Variants in STRN3 observed in about 807,000 individuals in gnomAD.
STRN3 encodes striatin 3.
In STRN3, 29 loss-of-function variants were observed where a neutral mutation model predicts 95.6. The observed-to-expected ratio is 0.30, with a 90% confidence interval of 0.23 to 0.41. The LOEUF is 0.41. STRN3 is among the 10% of genes least tolerant of loss of function. STRN3 has a pLI of 1.00. For missense variants in STRN3, 890 were observed against 972.1 expected, an observed-to-expected ratio of 0.92 and a Z score of 1.12; for synonymous variants, 331 against 357.6, an observed-to-expected ratio of 0.93 and a Z score of 0.84.
intron 16 of STRN3, among the ~76,000 whole-genome samples, chr14:30,900,443 C>CA (rs561080797): frequency 7.6e-5 from 4 of 52,368 alleles, no homozygotes; most frequent in Non-Finnish European, 1.0e-4. Context: ...GGGTGTGGGG[C>CA]GGGGGGGGGC....
chr14:30,967,731 GCTTA>G (rs963331639), intron 1 of STRN3, among the ~76,000 whole-genome samples: 1 of 152,188 alleles, frequency 6.6e-6, no homozygotes, highest in Non-Finnish European at 1.5e-5. Flanking sequence ...CAAAAAGGTA[GCTTA>G]CTAACTCAAA....
intron 1 of STRN3, among the ~76,000 whole-genome samples, chr14:30,985,898 T>C (rs1295269982): frequency 1.3e-5 from 2 of 152,154 alleles, no homozygotes; most frequent in Admixed American, 6.6e-5. Flanking sequence ...AAGACCTAGC[T>C]CAACATCTAT....
chr14:30,962,308 C>T (rs949394682), intron 1 of STRN3, among the ~76,000 whole-genome samples: 2 of 152,046 alleles, frequency 1.3e-5, no homozygotes, highest in African/African-American at 4.8e-5. Context: ...AGTTAAAACG[C>T]TGAAAAAATT....
In STRN3 at chr14:31,004,249, C is replaced by T. The variant is rs571030779; in HGVS notation, c.282+21655G>A. Among the ~76,000 whole-genome samples, 6 of 151,610 alleles carry T rather than the reference C, an allele frequency of 4.0e-5. No homozygotes were observed. In the East Asian group the frequency reaches 1.2e-3, roughly 30 times the overall value. On this transcript the variant is annotated intron_variant, in intron 1 of 17. Transcript: ENST00000357479. Reference sequence around the variant, plus strand: ...ATGCAGTGAACCATGATCACACTGCCACACTCCAGTCCAGCCTAGGCAACA... The same window carrying T: ...ATGCAGTGAACCATGATCACACTGCTACACTCCAGTCCAGCCTAGGCAACA...
At chr14:30,939,697 C>T (rs1282074832) in intron 5 of STRN3, among the ~76,000 whole-genome samples, 3 of 152,028 alleles carry the variant, frequency 2.0e-5, no homozygotes, top group Admixed American at 6.6e-5. Context: ...GTCCCCTGCC[C>T]CATCCTTCTC....
chr14:30,920,348 T>TC lies in STRN3; in HGVS notation c.1100-1243dup, dbSNP rs533570385. ...AGAAACTCAGTGTTACCTGAGGATT[T>TC]CCCCCCCACAGAGAAATGACTGTAA... On this transcript the variant is annotated intron_variant, in intron 8 of 17. Transcript: ENST00000357479. Among the ~76,000 whole-genome samples the TC allele has an allele frequency of 1.2e-4, 18 of 151,856 alleles. 1 individual carries two copies. In the East Asian group the frequency reaches 1.5e-3, roughly 13 times the overall value.
rs75265019 is a variant in STRN3, at chr14:30,974,093, A to G, written c.283-17851T>C. Among the ~76,000 whole-genome samples the G allele has an allele frequency of 3.8e-3, 575 of 152,330 alleles. 2 individuals carry two copies. Among genetic ancestry groups the G allele is most frequent in the African/African-American group, 0.013 (540 of 41,586 alleles). The stretch of plus-strand genomic sequence containing the variant: ...TCACACTTCTATTCAATATAGTACT[A>G]GAATTCCTATCAATTAGGAAACAGA... On this transcript the variant is annotated intron_variant, in intron 1 of 17. Transcript: ENST00000357479.
chr14:30,977,549 C>T (rs1368042204), intron 1 of STRN3, among the ~76,000 whole-genome samples: 4 of 150,814 alleles, frequency 2.7e-5, no homozygotes, highest in Admixed American at 1.3e-4. Flanking sequence ...TTTGGGAAGC[C>T]GAGGTGGGCA....
intron 1 of STRN3, among the ~76,000 whole-genome samples, chr14:30,982,611 A>G (rs1008578726): frequency 2.0e-5 from 3 of 152,140 alleles, no homozygotes; most frequent in Admixed American, 1.3e-4. Flanking sequence ...TGTCTGGCCA[A>G]TAGATAATTT....
chr14:30,979,917 T>C (rs1181794566), intron 1 of STRN3, among the ~76,000 whole-genome samples: 3 of 151,936 alleles, frequency 2.0e-5, no homozygotes, highest in African/African-American at 4.8e-5. Context: ...TTATATATCA[T>C]CTGAATTTAT....
intron 1 of STRN3, among the ~76,000 whole-genome samples, chr14:30,982,027 C>T (rs1881428871): frequency 7.9e-6 from 1 of 126,776 alleles, no homozygotes; most frequent in African/African-American, 3.0e-5. Context: ...ACCCGGGAGG[C>T]AGGGAGGTTG....
intron 9 of STRN3, among the ~76,000 whole-genome samples, chr14:30,916,754 T>A (rs1896750305): frequency 6.6e-6 from 1 of 152,122 alleles, no homozygotes; most frequent in South Asian, 2.1e-4. Context: ...ATGATGGAAA[T>A]TTAGGAGGCC....
At chr14:30,920,016 C>T (rs1406354868) in intron 8 of STRN3, among the ~76,000 whole-genome samples, 1 of 151,948 alleles carries the variant, frequency 6.6e-6, no homozygotes, top group Non-Finnish European at 1.5e-5. Context: ...ATAGGTAAGT[C>T]CAAGGTCAAA....
chr14:30,932,162 G>C (rs1878572002), intron 7 of STRN3: 1 of 152,392 alleles, frequency 6.6e-6, no homozygotes, highest in African/African-American at 2.4e-5. Flanking sequence ...AGCTACTCTG[G>C]AGTCTGAGGC....
At position 30,934,309 on chromosome 14, in the gene STRN3, C is replaced by T. The variant is rs545736269; in HGVS notation, c.988+854G>A. Among the ~76,000 whole-genome samples, 7 of 151,950 alleles carry T rather than the reference C, an allele frequency of 4.6e-5. No homozygotes were observed. The South Asian group carries it at 6.2e-4, about 14-fold the overall frequency. On this transcript the variant is annotated intron_variant, in intron 7 of 17. Transcript: ENST00000357479. ...ACTGCATTGCAGCCTGGCGACAGAG[C>T]GAGACTCTGTCTCAAAAAATAATAA...
At position 30,935,219 on chromosome 14, in the gene STRN3, G is replaced by A; in HGVS notation, c.932C>T (p.Ala311Val). The change falls in exon 7 of 18, where the codon GCT becomes GTT. Residue 311 changes from alanine (A) to valine (V), a missense_variant. By Grantham distance (64) the Ala-to-Val change is moderately conservative. Coordinates refer to ENST00000357479, the MANE Select transcript of STRN3 (RefSeq NM_001083893.2). ...TTCTCCAGCTCCTTCACCATCTTCA[G>A]CAGTCACTAAAAAATCAAATTCTTT... The part of the protein sequence containing the change: ...ALKEFDFLVT[A>V]EDGEGAGEAR... 1 of 1,614,000 alleles carries A rather than the reference G, an allele frequency of 6.2e-7. No individual in the cohort carries two copies. The highest frequency in any genetic ancestry group is 8.5e-7 in the Non-Finnish European group (1 of 1,179,982).
At chr14:30,952,455 T>C (rs1486631962) in intron 3 of STRN3, among the ~76,000 whole-genome samples, 13 of 152,002 alleles carry the variant, frequency 8.6e-5, no homozygotes, top group Admixed American at 8.5e-4. Flanking sequence ...ATCCCAGCAC[T>C]TTGGGAGGCC....
At chr14:30,989,376 G>T (rs1428885763) in intron 1 of STRN3, among the ~76,000 whole-genome samples, 1 of 152,172 alleles carries the variant, frequency 6.6e-6, no homozygotes, top group Non-Finnish European at 1.5e-5. Flanking sequence ...GCAGCCCAAT[G>T]ATATAGTGAC....
chr14:30,956,016 G>C, intron 2 of STRN3, 123 bp downstream of exon 2: 1 of 710,882 alleles, frequency 1.4e-6, no homozygotes, highest in Non-Finnish European at 2.3e-6. Context: ...AATCAAGACA[G>C]CATCATGTAT....
Sources: allele counts gnomAD v4.1 joint callset (sites outside exome capture counted in the v4.1 genomes callset), GRCh38; gene constraint gnomAD v4.1.1; transcripts MANE v1.5; gene names NCBI Gene and HGNC (gene_info 2026-07-23, HGNC 2026-07-21).